Variants in NOCT observed in about 807,000 individuals in gnomAD.
NOCT encodes nocturnin, also known as CCR4 carbon catabolite repression 4-like.
A neutral mutation model predicts 35.0 loss-of-function variants in NOCT; 18 were observed. The ratio of observed to expected loss-of-function variants is 0.51; its 90% CI spans 0.36 to 0.76. The LOEUF (loss-of-function observed/expected upper bound fraction) is 0.76. Ranked by LOEUF, NOCT falls within the 30% of genes least tolerant of loss-of-function variation. The probability of loss-of-function intolerance (pLI) is 0.01; values close to 1 mark genes in which losing one functional copy is unlikely to be tolerated. For missense variants in NOCT, 479 were observed against 541.0 expected (o/e 0.89, Z 1.14); for synonymous variants, 235 against 226.3 (o/e 1.04, Z -0.34).
intron 1 of NOCT, among the ~76,000 whole-genome samples, chr4:139,031,914 T>C (rs1361106893): frequency 6.6e-6 from 1 of 152,014 alleles, no homozygotes; most frequent in South Asian, 2.1e-4. Flanking sequence ...GGTTTCACCA[T>C]GTTGTTCAGG....
In NOCT at chr4:139,045,266, C is replaced by T; in HGVS notation, c.1088C>T (p.Thr363Ile). 1 of 1,614,164 alleles carries T rather than the reference C, an allele frequency of 6.2e-7. No individual in the cohort carries two copies. Among genetic ancestry groups the T allele is most frequent in the Non-Finnish European group, 8.5e-7 (1 of 1,180,048 alleles). Reference protein sequence around the residue: ...ADGQSEPPYTTWKIRTSGECR... With the variant: ...ADGQSEPPYTIWKIRTSGECR... The stretch of plus-strand genomic sequence containing the variant: ...GGGCAGTCAGAACCCCCATACACTA[C>T]CTGGAAGATCCGGACCTCAGGGGAG... Residue 363 changes from threonine (T) to isoleucine (I), a missense_variant, in exon 3 of 3, where the codon ACC becomes ATC. Thr to Ile is a moderately conservative substitution (Grantham distance 89). Transcript: ENST00000280614.
intron 1 of NOCT, among the ~76,000 whole-genome samples, chr4:139,026,856 T>TTTTTTC (rs1332622662): frequency 8.3e-5 from 12 of 145,426 alleles, no homozygotes; most frequent in African/African-American, 3.2e-4. Flanking sequence ...CTGGCCTTTT[T>TTTTTTC]TTTTTCTTTT....
At chr4:139,018,163 C>A (rs373163682) in intron 1 of NOCT, among the ~76,000 whole-genome samples, 5 of 129,152 alleles carry the variant, frequency 3.9e-5, no homozygotes, top group African/African-American at 8.6e-5. Context: ...TGCCTGATAA[C>A]TTTTTTCTTG....
intron 1 of NOCT, among the ~76,000 whole-genome samples, chr4:139,033,288 C>T (rs1726661292): frequency 6.6e-6 from 1 of 151,084 alleles, no homozygotes; most frequent in Admixed American, 6.6e-5. Context: ...TGCTTGAACC[C>T]GGGGGGGCGG....
At chr4:139,023,556 C>T (rs1046330472) in intron 1 of NOCT, among the ~76,000 whole-genome samples, 2 of 152,070 alleles carry the variant, frequency 1.3e-5, no homozygotes, top group African/African-American at 2.4e-5. Flanking sequence ...AGTACGATGG[C>T]GCGATGTCAG....
At chr4:139,042,169 G>A (rs1726844964) in intron 1 of NOCT, among the ~76,000 whole-genome samples, 1 of 142,088 alleles carries the variant, frequency 7.0e-6, no homozygotes, top group African/African-American at 2.6e-5. Context: ...CCTGGTTCAA[G>A]CAATTCGCCT....
At chr4:139,044,003 T>TATATATATATATATATATATATATAC (rs1405359118) in intron 2 of NOCT, 12 of 147,046 alleles carry the variant, frequency 8.2e-5, no homozygotes, top group African/African-American at 2.5e-4. Flanking sequence ...TATATATATA[T>TATATATATATATATATATATATATAC]ACACTTTGTT....
chr4:139,017,166 AAATT>A (rs986687366), intron 1 of NOCT, among the ~76,000 whole-genome samples: 1 of 151,532 alleles, frequency 6.6e-6, no homozygotes, highest in African/African-American at 2.4e-5. Context: ...AATTACATAC[AAATT>A]AATTATACTT....
At chr4:139,021,638 G>C (rs571119069) in intron 1 of NOCT, among the ~76,000 whole-genome samples, 1 of 152,196 alleles carries the variant, frequency 6.6e-6, no homozygotes, top group East Asian at 1.9e-4. Context: ...AGTAAAATGA[G>C]GTTTCTATGA....
intron 1 of NOCT, among the ~76,000 whole-genome samples, chr4:139,025,479 CCTT>C (rs1726496021): frequency 6.6e-6 from 1 of 152,082 alleles, no homozygotes; most frequent in Admixed American, 6.6e-5. Flanking sequence ...GTCATGCATC[CCTT>C]CTTGTTTTCC....
Position 139,045,561 on chromosome 4 carries a change from G to T in NOCT, c.*87G>T, listed in dbSNP as rs1273417276. 1 of 724,702 alleles carries T rather than the reference G, an allele frequency of 1.4e-6. No homozygotes were observed. The highest frequency in any genetic ancestry group is 2.1e-6 in the Non-Finnish European group (1 of 482,140). 44.9% of individuals were successfully genotyped at this position (724,702 alleles called of 1,614,324 possible). A position where few individuals can be genotyped will look rare whatever the true frequency, so the allele number is the denominator to read the frequency against. On this transcript the variant is annotated 3_prime_UTR_variant, in exon 3 of 3. Transcript: ENST00000280614. Reference sequence around the variant, plus strand: ...AGACAGAGTCTCGCTCTGTTGCCTAGGCTGGAGTACAGTGGCCTGATCTCG... The same window carrying T: ...AGACAGAGTCTCGCTCTGTTGCCTATGCTGGAGTACAGTGGCCTGATCTCG...
intron 1 of NOCT, among the ~76,000 whole-genome samples, chr4:139,020,658 G>A (rs1726391681): frequency 6.6e-6 from 1 of 152,060 alleles, no homozygotes; most frequent in Non-Finnish European, 1.5e-5. Context: ...GTGCCTCAGG[G>A]GATTCTTCCA....
chr4:139,031,251 G>A (rs768958333), intron 1 of NOCT, among the ~76,000 whole-genome samples: 4 of 151,824 alleles, frequency 2.6e-5, no homozygotes, highest in Non-Finnish European at 2.9e-5. Context: ...TGGGGTTCAC[G>A]CCATTCTCCT....
chr4:139,030,603 G>C (rs1726605262), intron 1 of NOCT, among the ~76,000 whole-genome samples: 1 of 152,130 alleles, frequency 6.6e-6, no homozygotes. Context: ...GCTAAGCCTG[G>C]TTGCTATGAA....
chr4:139,036,873 T>A (rs1199195538), intron 1 of NOCT, among the ~76,000 whole-genome samples: 3 of 152,166 alleles, frequency 2.0e-5, no homozygotes, highest in Admixed American at 6.5e-5. Flanking sequence ...TCCCACTGTT[T>A]AAGAGAGTAA....
At chr4:139,023,336 A>G (rs1256661074) in intron 1 of NOCT, among the ~76,000 whole-genome samples, 3 of 152,200 alleles carry the variant, frequency 2.0e-5, no homozygotes, top group Non-Finnish European at 4.4e-5. Context: ...GTTACACTGC[A>G]GATTCTAATA....
At chr4:139,018,461 C>T (rs1320651457) in intron 1 of NOCT, among the ~76,000 whole-genome samples, 2 of 152,102 alleles carry the variant, frequency 1.3e-5, no homozygotes, top group African/African-American at 2.4e-5. Context: ...CCCCTGAAAC[C>T]CCCTAGTTTT....
At position 139,042,930 on chromosome 4, in the gene NOCT, GA is replaced by G. The variant is rs1227497501; in HGVS notation, c.191-138del. On this transcript the variant is annotated intron_variant, in intron 1 of 2. Transcript: ENST00000280614. ...ACTCCATCTCAAAAAAAAAAAAAAA[GA>G]AAAAAGAAATGGCTTTATACACTAT... 5 of 546,210 alleles carry G rather than the reference GA, an allele frequency of 9.2e-6. No individual in the cohort carries two copies. The South Asian group carries it at 2.0e-4, about 22-fold the overall frequency. 33.8% of individuals were successfully genotyped at this position (546,210 alleles called of 1,614,324 possible). A position where few individuals can be genotyped will look rare whatever the true frequency, so the allele number is the denominator to read the frequency against.
intron 1 of NOCT, among the ~76,000 whole-genome samples, chr4:139,032,273 G>A (rs189112659): frequency 4.3e-4 from 65 of 152,196 alleles, no homozygotes; most frequent in African/African-American, 1.6e-3. Context: ...GGGATGGGGT[G>A]ATGTTGCTAA....
Sources: gnomAD v4.1 joint callset for allele counts (sites outside exome capture counted in the v4.1 genomes callset) on GRCh38, gnomAD v4.1.1 for gene constraint, MANE v1.5 for transcripts, NCBI Gene and HGNC (gene_info 2026-07-23, HGNC 2026-07-21) for gene names.